Variants in ANTXR1 observed in about 807,000 individuals in gnomAD.
ANTXR1 encodes ANTXR cell adhesion molecule 1.
ANTXR1 carries 19 observed loss-of-function variants against 78.1 expected under a neutral mutation model. The observed-to-expected ratio is 0.24, with a 90% CI of 0.17 to 0.36. ANTXR1 has a LOEUF of 0.36. Among genes scored for constraint, ANTXR1 ranks in the 10% least tolerant of loss-of-function variants. ANTXR1 has a pLI of 1.00. For synonymous variants in ANTXR1, 273 were observed against 260.5 expected (o/e 1.05, Z -0.46); for missense variants, 518 against 718.6 (o/e 0.72, Z 3.19).
intron 1 of ANTXR1, among the ~76,000 whole-genome samples, chr2:69,017,184 G>A (rs1671049990): frequency 6.6e-6 from 1 of 152,176 alleles, no homozygotes; most frequent in African/African-American, 2.4e-5. Flanking sequence ...TAGGGGATGG[G>A]CCAAAACGCA....
rs572212764 is a variant in ANTXR1 at position 69,017,262 on chromosome 2, A to C, written c.152+3611A>C. On this transcript the variant is annotated intron_variant, in intron 1 of 17. Transcript: ENST00000303714. The stretch of plus-strand genomic sequence containing the variant: ...CTTCTGTCCTAGAGAGAACCTCCTC[A>C]CACAGTGCTGTCCAGCACCCAACCA... 5.3e-5 allele frequency among the ~76,000 whole-genome samples: 8 copies of C among 152,306 alleles called. No individual in the cohort carries two copies. The South Asian group carries it at 1.7e-3, about 32-fold the overall frequency.
rs143424137 is a variant in ANTXR1 at position 69,148,540 on chromosome 2, A to G, written c.952-3629A>G. Reference sequence around the variant, plus strand: ...TTTGTCCATCTCTCCTTGCCTTGGTATTTTTAGTGAGATGAGAAAGAGAAT... The same window carrying G: ...TTTGTCCATCTCTCCTTGCCTTGGTGTTTTTAGTGAGATGAGAAAGAGAAT... On this transcript the variant is annotated intron_variant, in intron 12 of 17. Coordinates refer to ENST00000303714, the MANE Select transcript of ANTXR1 (RefSeq NM_032208.3). Among the ~76,000 whole-genome samples the G allele has an allele frequency of 1.5e-3, 222 of 152,294 alleles. 1 individual carries two copies. Among genetic ancestry groups the G allele is most frequent in the African/African-American group, 5.2e-3 (215 of 41,560 alleles).
At chr2:69,221,996 C>G (rs535021703) in intron 17 of ANTXR1, among the ~76,000 whole-genome samples, 1 of 152,236 alleles carries the variant, frequency 6.6e-6, no homozygotes, top group African/African-American at 2.4e-5. Context: ...GAAAAATGTT[C>G]CAGCCCATTA....
chr2:69,178,493 G>C (rs570441445), intron 14 of ANTXR1, among the ~76,000 whole-genome samples: 60 of 152,274 alleles, frequency 3.9e-4, no homozygotes, highest in Non-Finnish European at 6.3e-4. Flanking sequence ...CGAGGGCGGC[G>C]CCTCCTTCCC....
At chr2:69,110,856 C>T (rs533245317) in intron 10 of ANTXR1, among the ~76,000 whole-genome samples, 4 of 151,908 alleles carry the variant, frequency 2.6e-5, no homozygotes, top group East Asian at 1.9e-4. Context: ...AGCAAGACTC[C>T]GTCTCAAAAA....
chr2:69,232,917 T>G (rs370030185), intron 17 of ANTXR1, among the ~76,000 whole-genome samples: 2 of 152,266 alleles, frequency 1.3e-5, no homozygotes, highest in African/African-American at 4.8e-5. Flanking sequence ...AAATATGTAA[T>G]TATTAAGAAA....
intron 2 of ANTXR1, 75 bp from the exon 3 acceptor site, chr2:69,044,667 A>G (rs1669709730): frequency 3.4e-6 from 5 of 1,482,292 alleles, no homozygotes; most frequent in Non-Finnish European, 4.7e-6. Context: ...AAAGGGAAGG[A>G]CAGGGAGGGA....
chr2:69,182,940 T>G (rs1674315067), intron 16 of ANTXR1: 1 of 422,594 alleles, frequency 2.4e-6, no homozygotes. Flanking sequence ...GCATGACCCC[T>G]GGGCAAGGAT....
At chr2:69,117,856 G>T (rs1307675019) in intron 10 of ANTXR1, among the ~76,000 whole-genome samples, 2 of 152,154 alleles carry the variant, frequency 1.3e-5, no homozygotes, top group African/African-American at 4.8e-5. Flanking sequence ...TTGAGTCGGT[G>T]TGATCTGAAA....
intron 1 of ANTXR1, among the ~76,000 whole-genome samples, chr2:69,028,227 A>G (rs1448019635): frequency 6.6e-6 from 1 of 152,240 alleles, no homozygotes; most frequent in South Asian, 2.1e-4. Flanking sequence ...GAAAATGCAG[A>G]TTAAGTAGGC....
chr2:69,051,160 C>T (rs1355904436), intron 3 of ANTXR1, among the ~76,000 whole-genome samples: 1 of 152,018 alleles, frequency 6.6e-6, no homozygotes, highest in Non-Finnish European at 1.5e-5. Flanking sequence ...TTGGTGCGCA[C>T]CTGTAATCCC....
intron 10 of ANTXR1, among the ~76,000 whole-genome samples, chr2:69,121,831 T>C (rs1672356663): frequency 6.6e-6 from 1 of 152,166 alleles, no homozygotes; most frequent in Admixed American, 6.6e-5. Flanking sequence ...TATTATATAC[T>C]TAGTATAATA....
At chr2:69,201,061 G>C (rs1674762166) in intron 17 of ANTXR1, among the ~76,000 whole-genome samples, 1 of 152,156 alleles carries the variant, frequency 6.6e-6, no homozygotes, top group South Asian at 2.1e-4. Context: ...CTGTATTAGT[G>C]CTTGATATTC....
At chr2:69,144,207 G>A (rs1331750740) in intron 12 of ANTXR1, among the ~76,000 whole-genome samples, 1 of 152,214 alleles carries the variant, frequency 6.6e-6, no homozygotes, top group Non-Finnish European at 1.5e-5. Flanking sequence ...GGTGCTCACA[G>A]AGGGACAGCG....
At chr2:69,112,112 T>C (rs1672004353) in intron 10 of ANTXR1, among the ~76,000 whole-genome samples, 1 of 152,230 alleles carries the variant, frequency 6.6e-6, no homozygotes, top group African/African-American at 2.4e-5. Flanking sequence ...TACAGTCTCA[T>C]GTTCTTCATG....
chr2:69,140,532 C>T (rs1295591967), intron 12 of ANTXR1, among the ~76,000 whole-genome samples: 1 of 152,220 alleles, frequency 6.6e-6, no homozygotes, highest in African/African-American at 2.4e-5. Context: ...GCTGTAGGAA[C>T]CAGTTCTGGT....
intron 14 of ANTXR1, among the ~76,000 whole-genome samples, chr2:69,178,594 A>G (rs1674193389): frequency 6.8e-6 from 1 of 148,008 alleles, no homozygotes; most frequent in Non-Finnish European, 1.5e-5. Context: ...GGGGCCAGGG[A>G]CTAGAGGGAG....
At chr2:69,141,835 A>G (rs913219503) in intron 12 of ANTXR1, among the ~76,000 whole-genome samples, 2 of 152,182 alleles carry the variant, frequency 1.3e-5, no homozygotes, top group South Asian at 2.1e-4. Context: ...GCCTGGTCCC[A>G]GCAGCATCTG....
intron 8 of ANTXR1, among the ~76,000 whole-genome samples, chr2:69,090,189 C>T (rs1671182992): frequency 6.6e-6 from 1 of 151,858 alleles, no homozygotes; most frequent in Admixed American, 6.6e-5. Context: ...GGTCATCTGA[C>T]TATGCAGCTT....
Sources: gnomAD v4.1 joint callset for allele counts (sites outside exome capture counted in the v4.1 genomes callset) on GRCh38, gnomAD v4.1.1 for gene constraint, MANE v1.5 for transcripts, NCBI Gene and HGNC (gene_info 2026-07-23, HGNC 2026-07-21) for gene names.